TRIM33: variants seen among roughly 807,000 people sequenced by gnomAD.
The protein encoded by TRIM33 is tripartite motif containing 33.
A neutral mutation model predicts 125.4 loss-of-function variants in TRIM33; 20 were observed. The ratio of observed to expected loss-of-function variants is 0.16; its 90% CI spans 0.11 to 0.23. The LOEUF (loss-of-function observed/expected upper bound fraction) is 0.23. Ranked by LOEUF, TRIM33 falls within the 10% of genes least tolerant of loss-of-function variation. The pLI is 1.00. For synonymous variants in TRIM33, 564 were observed against 513.9 expected, an observed-to-expected ratio of 1.10 and a Z score of -1.32; for missense variants, 920 against 1,411.4, an observed-to-expected ratio of 0.65 and a Z score of 5.58.
intron 1 of TRIM33, among the ~76,000 whole-genome samples, chr1:114,503,409 C>T (rs991460825): frequency 3.3e-5 from 5 of 152,160 alleles, no homozygotes; most frequent in South Asian, 2.1e-4. Context: ...ACCCAGGAGG[C>T]GGAGGTCGCG....
chr1:114,487,614 T>C (rs749699067), intron 1 of TRIM33, among the ~76,000 whole-genome samples: 25 of 151,620 alleles, frequency 1.6e-4, no homozygotes, highest in African/African-American at 2.4e-4. Context: ...TGAGAGTAAA[T>C]AGGCCGGGCG....
rs979495414 is a variant in TRIM33, at chr1:114,486,789, T to A, written c.527-22401A>T. Among the ~76,000 whole-genome samples, 6 of 152,024 alleles carry A rather than the reference T, an allele frequency of 3.9e-5. No homozygotes were observed. In the South Asian group the frequency reaches 1.2e-3, roughly 32 times the overall value. On this transcript the variant is annotated intron_variant, in intron 1 of 19. Coordinates refer to ENST00000358465, the MANE Select transcript of TRIM33 (RefSeq NM_015906.4). ...CAGAAGGAGAGGAGTACATAAAATTTAAAAATTACTTGAACAGGCCGGGTG... is the reference window on the plus strand; with the variant it reads ...CAGAAGGAGAGGAGTACATAAAATTAAAAAATTACTTGAACAGGCCGGGTG...
At chr1:114,474,550 G>A (rs1282163012) in intron 1 of TRIM33, among the ~76,000 whole-genome samples, 1 of 146,434 alleles carries the variant, frequency 6.8e-6, no homozygotes, top group Non-Finnish European at 1.5e-5. Context: ...CCGTAGCCTG[G>A]GTGACTGAGC....
chr1:114,419,200 C>CAAAAAA (rs35757503), intron 11 of TRIM33, among the ~76,000 whole-genome samples: 6 of 54,240 alleles, frequency 1.1e-4, no homozygotes, highest in East Asian at 8.1e-4. Context: ...GACACCATCT[C>CAAAAAA]AAAAAAAAAA....
chr1:114,476,585 G>T (rs961156290), intron 1 of TRIM33, among the ~76,000 whole-genome samples: 5 of 151,838 alleles, frequency 3.3e-5, no homozygotes, highest in Non-Finnish European at 5.9e-5. Flanking sequence ...AAAATTTTTT[G>T]AGAAAAAAGT....
At chr1:114,462,648 G>C (rs1162486822) in intron 4 of TRIM33, among the ~76,000 whole-genome samples, 2 of 151,968 alleles carry the variant, frequency 1.3e-5, no homozygotes, top group Non-Finnish European at 2.9e-5. Flanking sequence ...AAAATACAAA[G>C]GTATGTATTA....
At chr1:114,410,019 C>T (rs1407828223) in intron 12 of TRIM33, among the ~76,000 whole-genome samples, 165 bp downstream of exon 12, 1 of 152,146 alleles carries the variant, frequency 6.6e-6, no homozygotes, top group East Asian at 1.9e-4. Context: ...CCAACACCCA[C>T]AATCACATGA....
intron 1 of TRIM33, among the ~76,000 whole-genome samples, chr1:114,487,903 C>CA (rs573681532): frequency 0.15 from 5,479 of 36,466 alleles, 1,070 homozygotes; most frequent in African/African-American, 0.36. Context: ...GACTCCGTCT[C>CA]AAAAAAAAAA....
chr1:114,408,776 T>C (rs1222765742), intron 12 of TRIM33, 36 bp from the exon 13 acceptor site: 4 of 1,352,268 alleles, frequency 3.0e-6, no homozygotes, highest in Admixed American at 4.0e-5. Flanking sequence ...TATCAATGCA[T>C]ATAAGAATAT....
At chr1:114,419,367 C>T (rs945510272) in intron 11 of TRIM33, among the ~76,000 whole-genome samples, 5 of 152,062 alleles carry the variant, frequency 3.3e-5, no homozygotes, top group African/African-American at 7.2e-5. Flanking sequence ...CCATGGTCTC[C>T]GTGAATTGAT....
intron 4 of TRIM33, among the ~76,000 whole-genome samples, chr1:114,436,673 C>A (rs1648329644): frequency 6.6e-6 from 1 of 151,986 alleles, no homozygotes; most frequent in South Asian, 2.1e-4. Context: ...CCATGTTGGC[C>A]GGGCTGATCT....
chr1:114,501,636 T>C (rs1370906939), intron 1 of TRIM33, among the ~76,000 whole-genome samples: 1 of 151,274 alleles, frequency 6.6e-6, no homozygotes, highest in Admixed American at 6.6e-5. Context: ...CAAGGGGCCA[T>C]CTTAGAGGCT....
chr1:114,398,727 T>A (rs1450322511), intron 18 of TRIM33, among the ~76,000 whole-genome samples: 1 of 152,006 alleles, frequency 6.6e-6, no homozygotes, highest in Non-Finnish European at 1.5e-5. Context: ...GACTTTAGTA[T>A]TAATCTTTTA....
chr1:114,406,822 G>T (rs1652274159), intron 14 of TRIM33, 119 bp downstream of exon 14: 4 of 962,208 alleles, frequency 4.2e-6, no homozygotes, highest in African/African-American at 3.3e-5. Context: ...CTTGTGCCAG[G>T]CATGAAATTT....
Position 114,510,851 on chromosome 1 carries a change from G to C in TRIM33, c.226C>G (p.Gln76Glu). 6.7e-7 allele frequency: 1 copy of C among 1,483,736 alleles called. No homozygotes were observed. Among genetic ancestry groups the C allele is most frequent in the Non-Finnish European group, 8.9e-7 (1 of 1,124,208 alleles). The allele number at this position is 1,483,736 out of a possible 1,614,324, so 91.9% of individuals were successfully genotyped here. ...GAGGCCGCAGGAGATGAAGCAGCCTGGGCCGAGCCCGAGGAGGCCGCGGCC... is the reference window on the plus strand; with the variant it reads ...GAGGCCGCAGGAGATGAAGCAGCCTCGGCCGAGCCCGAGGAGGCCGCGGCC... ...GVAAASSGSAQAASSPAASVG... is the reference protein window; with the variant it reads ...GVAAASSGSAEAASSPAASVG... The change falls in exon 1 of 20, where the codon CAG becomes GAG. Residue 76 changes from glutamine to glutamate, a missense_variant. Coordinates refer to ENST00000358465, the MANE Select transcript of TRIM33 (RefSeq NM_015906.4).
chr1:114,430,557 T>C (rs545537943), intron 6 of TRIM33, among the ~76,000 whole-genome samples: 1 of 152,332 alleles, frequency 6.6e-6, no homozygotes, highest in South Asian at 2.1e-4. Context: ...AACAATTATT[T>C]GATTTCTAAG....
Position 114,464,205 on chromosome 1 carries a change from T to C in TRIM33, c.645+65A>G. The C allele has an allele frequency of 4.9e-6, 4 of 824,198 alleles. No homozygotes were observed. The South Asian group carries it at 5.6e-5, about 11-fold the overall frequency. 51.1% of individuals were successfully genotyped at this position (824,198 alleles called of 1,614,324 possible). On this transcript the variant is annotated intron_variant, in intron 2 of 19. Coordinates refer to ENST00000358465, the MANE Select transcript of TRIM33 (RefSeq NM_015906.4). ...CCTAAATGACTTAACTATCCAAACA[T>C]GTTTTTCTTATAACTTACAGTTTGA...
At chr1:114,494,102 T>C (rs1557900799) in intron 1 of TRIM33, among the ~76,000 whole-genome samples, 1 of 151,006 alleles carries the variant, frequency 6.6e-6, no homozygotes, top group Non-Finnish European at 1.5e-5. Context: ...GGATTATAAG[T>C]GTGAGCCACT....
At position 114,464,402 on chromosome 1, in the gene TRIM33, T is replaced by C. The variant is rs373451267; in HGVS notation, c.527-14A>G. ...GTATTACACCAACTACAACATAAAATAACAACATTTTAAAATATTCTTCAG... is the reference window on the plus strand; with the variant it reads ...GTATTACACCAACTACAACATAAAACAACAACATTTTAAAATATTCTTCAG... On this transcript the variant is annotated splice_polypyrimidine_tract_variant and intron_variant, in intron 1 of 19. Coordinates refer to ENST00000358465, the MANE Select transcript of TRIM33 (RefSeq NM_015906.4). 7.2e-7 allele frequency: 1 copy of C among 1,394,404 alleles called. No individual in the cohort carries two copies. The highest frequency in any genetic ancestry group is 9.9e-7 in the Non-Finnish European group (1 of 1,007,798). 86.4% of individuals were successfully genotyped at this position (1,394,404 alleles called of 1,614,324 possible).
Sources: allele counts gnomAD v4.1 joint callset (sites outside exome capture counted in the v4.1 genomes callset), GRCh38; gene constraint gnomAD v4.1.1; transcripts MANE v1.5; gene names NCBI Gene and HGNC (gene_info 2026-07-23, HGNC 2026-07-21).